PHACTR3: variants seen among roughly 807,000 people sequenced by gnomAD.
PHACTR3 encodes the protein phosphatase and actin regulator 3.
A neutral mutation model predicts 66.8 loss-of-function variants in PHACTR3; 16 were observed. The observed-to-expected ratio is 0.24, with a 90% CI of 0.16 to 0.36. The LOEUF is 0.36. Ranked by LOEUF, PHACTR3 falls within the 10% of genes least tolerant of loss-of-function variation. The pLI is 1.00. For synonymous variants in PHACTR3, 323 were observed against 292.1 expected (o/e 1.11, Z -1.08); for missense variants, 647 against 719.9 (o/e 0.90, Z 1.16).
chr20:59,619,484 G>A (rs528686380), intron 1 of PHACTR3, among the ~76,000 whole-genome samples: 3 of 152,108 alleles, frequency 2.0e-5, no homozygotes, highest in South Asian at 2.1e-4. Flanking sequence ...GAGTGAGCAC[G>A]GAAGTAGAGT....
chr20:59,821,814 G>C lies in PHACTR3; in HGVS notation c.1329-14691G>C, dbSNP rs960062279. Reference sequence around the variant, plus strand: ...CTATGGGCTTGGAGAGCACCGCCGGGGAATTTAAAAATGCCCCATTCCTGA... The same window carrying C: ...CTATGGGCTTGGAGAGCACCGCCGGCGAATTTAAAAATGCCCCATTCCTGA... On this transcript the variant is annotated intron_variant, in intron 8 of 12. Transcript: ENST00000371015. Among the ~76,000 whole-genome samples, 10 of 152,096 alleles carry C rather than the reference G, an allele frequency of 6.6e-5. No homozygotes were observed. In the South Asian group the frequency reaches 2.1e-3, roughly 32 times the overall value.
intron 2 of PHACTR3, among the ~76,000 whole-genome samples, chr20:59,746,186 G>T (rs1383099619): frequency 6.6e-6 from 1 of 152,204 alleles, no homozygotes; most frequent in Non-Finnish European, 1.5e-5. Flanking sequence ...GCTGTGTTTG[G>T]GTTTCCCTTT....
At chr20:59,647,541 G>A (rs1430175369) in intron 1 of PHACTR3, among the ~76,000 whole-genome samples, 1 of 152,144 alleles carries the variant, frequency 6.6e-6, no homozygotes, top group Non-Finnish European at 1.5e-5. Context: ...CAGGGTGTTG[G>A]AGTGACATGC....
intron 8 of PHACTR3, among the ~76,000 whole-genome samples, chr20:59,812,875 C>A (rs2041778224): frequency 6.6e-6 from 1 of 152,130 alleles, no homozygotes; most frequent in Non-Finnish European, 1.5e-5. Context: ...CCCTGCTCTG[C>A]AGATGAGGAG....
chr20:59,762,130 C>T (rs937876890), intron 4 of PHACTR3, among the ~76,000 whole-genome samples: 1 of 152,174 alleles, frequency 6.6e-6, no homozygotes, highest in Non-Finnish European at 1.5e-5. Flanking sequence ...TCCTTAGAGC[C>T]ATCAGGCAGG....
chr20:59,723,072 T>TTC (rs770170023), intron 1 of PHACTR3, among the ~76,000 whole-genome samples: 2 of 124,264 alleles, frequency 1.6e-5, no homozygotes, highest in Admixed American at 8.4e-5. Flanking sequence ...CTTTCTTTCT[T>TTC]TCTTTCTTTC....
intron 4 of PHACTR3, among the ~76,000 whole-genome samples, chr20:59,757,137 G>A (rs1316503386): frequency 6.6e-6 from 1 of 152,244 alleles, no homozygotes; most frequent in Non-Finnish European, 1.5e-5. Flanking sequence ...CTGCCGTGGT[G>A]TGGTCCCCAC....
At chr20:59,839,950 A>G (rs1360292442) in intron 9 of PHACTR3, among the ~76,000 whole-genome samples, 1 of 152,184 alleles carries the variant, frequency 6.6e-6, no homozygotes, top group Non-Finnish European at 1.5e-5. Flanking sequence ...TGGCAGTGCT[A>G]TTTATATTGA....
At chr20:59,788,621 T>A (rs564596016) in intron 7 of PHACTR3, among the ~76,000 whole-genome samples, 4 of 152,184 alleles carry the variant, frequency 2.6e-5, no homozygotes, top group African/African-American at 9.6e-5. Context: ...TCTGTCCCCA[T>A]ATGTGGATCG....
intron 1 of PHACTR3, among the ~76,000 whole-genome samples, chr20:59,623,119 G>A (rs117235007): frequency 3.1e-3 from 474 of 151,798 alleles, no homozygotes; most frequent in Middle Eastern, 0.014. Context: ...TTTTTTTGTG[G>A]GAGGCAGGAG....
At chr20:59,630,691 G>T (rs1435343240) in intron 1 of PHACTR3, among the ~76,000 whole-genome samples, 5 of 152,170 alleles carry the variant, frequency 3.3e-5, no homozygotes, top group African/African-American at 1.2e-4. Flanking sequence ...GTACCACTGG[G>T]GTGGGCGGTT....
intron 1 of PHACTR3, among the ~76,000 whole-genome samples, chr20:59,670,681 G>C (rs1241051198): frequency 1.3e-5 from 2 of 151,750 alleles, no homozygotes; most frequent in East Asian, 3.9e-4. Context: ...CTGTCGTTAA[G>C]GTGTCCTAGA....
chr20:59,694,678 G>T (rs2037231289), intron 1 of PHACTR3, among the ~76,000 whole-genome samples: 1 of 152,180 alleles, frequency 6.6e-6, no homozygotes, highest in African/African-American at 2.4e-5. Flanking sequence ...TGGAGTAATA[G>T]TAGCACCTAC....
At chr20:59,675,211 C>T (rs1291865745) in intron 1 of PHACTR3, among the ~76,000 whole-genome samples, 1 of 149,398 alleles carries the variant, frequency 6.7e-6, no homozygotes, top group Non-Finnish European at 1.5e-5. Context: ...GTCCTTCTCC[C>T]TCTTCCCAGC....
chr20:59,598,322 G>T (rs1225342102), intron 1 of PHACTR3, among the ~76,000 whole-genome samples: 1 of 152,244 alleles, frequency 6.6e-6, no homozygotes, highest in African/African-American at 2.4e-5. Context: ...AAAGCGTATT[G>T]AGGGCTTCTG....
Position 59,847,206 on chromosome 20 carries a change from A to AG in PHACTR3, c.*77dup, listed in dbSNP as rs1402073671. ...AACATTCATCAGGGAACTTTCCTGA[A>AG]GTTCAGCTCAAGACTACCCTACCTG... On this transcript the variant is annotated 3_prime_UTR_variant, in exon 13 of 13. Coordinates refer to ENST00000371015, the MANE Select transcript of PHACTR3 (RefSeq NM_080672.5). The AG allele has an allele frequency of 3.5e-6, 4 of 1,149,698 alleles. No homozygotes were observed. The East Asian group carries it at 7.1e-5, about 20-fold the overall frequency. The allele number at this position is 1,149,698 out of a possible 1,614,324, so 71.2% of individuals were successfully genotyped here.
chr20:59,596,949 C>A (rs2033342480), intron 1 of PHACTR3, among the ~76,000 whole-genome samples: 1 of 152,264 alleles, frequency 6.6e-6, no homozygotes, highest in South Asian at 2.1e-4. Flanking sequence ...ACACGGCTTA[C>A]CCCCTCACCA....
At chr20:59,724,065 C>T (rs1482722396) in intron 1 of PHACTR3, among the ~76,000 whole-genome samples, 1 of 152,140 alleles carries the variant, frequency 6.6e-6, no homozygotes, top group East Asian at 1.9e-4. Flanking sequence ...CACACCTGAC[C>T]TGAGCAGCTG....
chr20:59,580,028 A>C (rs2032815697), intron 1 of PHACTR3, among the ~76,000 whole-genome samples: 1 of 152,046 alleles, frequency 6.6e-6, no homozygotes, highest in Admixed American at 6.5e-5. Context: ...ACACTGGGCC[A>C]TTGCACGTCT....
Sources: gnomAD v4.1 joint callset for allele counts (sites outside exome capture counted in the v4.1 genomes callset) on GRCh38, gnomAD v4.1.1 for gene constraint, MANE v1.5 for transcripts, NCBI Gene and HGNC (gene_info 2026-07-23, HGNC 2026-07-21) for gene names.